OSMR: variants seen among roughly 807,000 people sequenced by gnomAD.
OSMR encodes oncostatin M receptor.
In OSMR, 81 loss-of-function variants were observed where a neutral mutation model predicts 99.9. The ratio of observed to expected loss-of-function variants is 0.81; its 90% CI spans 0.68 to 0.97. The LOEUF (loss-of-function observed/expected upper bound fraction) is 0.97. OSMR is among the 50% of genes least tolerant of loss of function. OSMR has a pLI of 0.00. For synonymous variants in OSMR, 406 were observed against 410.4 expected (o/e 0.99, Z 0.13); for missense variants, 1,099 against 1,153.4 (o/e 0.95, Z 0.68).
rs755173844 is a variant in OSMR at position 38,942,786 on chromosome 5, A to G, written c.75-1415A>G. On this transcript the variant is annotated intron_variant and NMD_transcript_variant, in intron 1 of 2. Coordinates refer to the OSMR transcript ENST00000508882. Reference sequence around the variant, plus strand: ...CTGTATTTTAATTCAATTCAAACACAGAATTATTCTTGGAAGATAAATTTG... The same window carrying G: ...CTGTATTTTAATTCAATTCAAACACGGAATTATTCTTGGAAGATAAATTTG... 5 of 1,437,892 alleles carry G rather than the reference A, an allele frequency of 3.5e-6. No individual in the cohort carries two copies. In the South Asian group the frequency reaches 4.6e-5, roughly 13 times the overall value. 89.1% of individuals were successfully genotyped at this position (1,437,892 alleles called of 1,614,324 possible).
rs770681791 is a variant in OSMR, at chr5:38,884,741, TA to T, written c.704-607del. Among the ~76,000 whole-genome samples the T allele has an allele frequency of 5.3e-5, 8 of 152,278 alleles. No individual in the cohort carries two copies. In the East Asian group the frequency reaches 9.7e-4, roughly 18 times the overall value. ...CATTAGTGGAGTGGGAACATTTTTTTATATAGGTTTGTGTGTGCACAACTAG... is the reference window on the plus strand; with the variant it reads ...CATTAGTGGAGTGGGAACATTTTTTTTATAGGTTTGTGTGTGCACAACTAG... On this transcript the variant is annotated intron_variant, in intron 5 of 17. Coordinates refer to ENST00000274276, the MANE Select transcript of OSMR (RefSeq NM_003999.3).
Position 38,919,053 on chromosome 5 carries a change from C to T in OSMR, c.1576C>T (p.Pro526Ser), listed in dbSNP as rs1033034835. The change falls in exon 11 of 18, where the codon CCC (proline) becomes TCC (serine). Residue 526 changes from proline to serine, a missense_variant. By Grantham distance (74) the Pro-to-Ser change is moderately conservative. Coordinates refer to ENST00000274276, the MANE Select transcript of OSMR (RefSeq NM_003999.3). ...PASVIVISAD[P>S]ENKEVEEERI... ...TTCTGTAATAGTCATCTCTGCAGACCCCGAAAACAGTGAGTTTGTTTTCAT... is the reference window on the plus strand; with the variant it reads ...TTCTGTAATAGTCATCTCTGCAGACTCCGAAAACAGTGAGTTTGTTTTCAT... 1 of 1,613,690 alleles carries T rather than the reference C, an allele frequency of 6.2e-7. No homozygotes were observed. Among genetic ancestry groups the T allele is most frequent in the African/African-American group, 1.3e-5 (1 of 74,872 alleles).
chr5:38,902,586 A>G (rs370254390), intron 7 of OSMR, among the ~76,000 whole-genome samples: 24 of 152,248 alleles, frequency 1.6e-4, no homozygotes, highest in African/African-American at 4.1e-4. Flanking sequence ...CAAGAGTATT[A>G]GGCCAGTGCC....
intron 3 of OSMR, among the ~76,000 whole-genome samples, chr5:38,877,031 C>A (rs1742894634): frequency 6.6e-6 from 1 of 152,130 alleles, no homozygotes; most frequent in African/African-American, 2.4e-5. Flanking sequence ...TGAGGTGTCC[C>A]CATCTAGTGC....
chr5:38,890,398 T>C (rs963064114), intron 7 of OSMR, among the ~76,000 whole-genome samples: 2 of 151,440 alleles, frequency 1.3e-5, no homozygotes, highest in African/African-American at 4.8e-5. Context: ...AGATTTTGAC[T>C]TGTTAATCTG....
intron 7 of OSMR, 55 bp downstream of exon 7, chr5:38,886,245 A>G (rs770158819): frequency 2.5e-6 from 4 of 1,613,394 alleles, no homozygotes; most frequent in Middle Eastern, 1.7e-4. Flanking sequence ...TTTGTTTCAC[A>G]GACTGTGTGA....
intron 2 of OSMR, among the ~76,000 whole-genome samples, chr5:38,873,714 G>T (rs1742566699): frequency 6.6e-6 from 1 of 152,124 alleles, no homozygotes. Context: ...TTGTGATTTT[G>T]ACTTGAATTT....
intron 1 of OSMR, among the ~76,000 whole-genome samples, chr5:38,865,957 G>GTGATGA (rs1454369809): frequency 1.3e-5 from 2 of 152,208 alleles, no homozygotes; most frequent in Non-Finnish European, 2.9e-5. Flanking sequence ...TCTGGTGGCA[G>GTGATGA]TGATGATGGC....
intron 7 of OSMR, among the ~76,000 whole-genome samples, chr5:38,894,994 A>C (rs1186958904): frequency 3.9e-5 from 6 of 151,996 alleles, no homozygotes; most frequent in Non-Finnish European, 5.9e-5. Context: ...AAAAAAATAA[A>C]AACTTTTAGG....
At position 38,881,733 on chromosome 5, in the gene OSMR, G is replaced by T; in HGVS notation, c.387G>T (p.Trp129Cys). Residue 129 changes from tryptophan to cysteine, a missense_variant, in exon 4 of 18, where the codon TGG becomes TGT. Coordinates refer to ENST00000274276, the MANE Select transcript of OSMR (RefSeq NM_003999.3). ...CCAAGTTCCCTGAGCCAAATTTCTGGAGCAACTGGAGTTCCTGGGAGGAAG... is the reference window on the plus strand; with the variant it reads ...CCAAGTTCCCTGAGCCAAATTTCTGTAGCAACTGGAGTTCCTGGGAGGAAG... ...DDAKFPEPNF[W>C]SNWSSWEEVS... 1 of 1,614,180 alleles carries T rather than the reference G, an allele frequency of 6.2e-7. No individual in the cohort carries two copies. The highest frequency in any genetic ancestry group is 2.2e-5 in the East Asian group (1 of 44,886).
intron 2 of OSMR, among the ~76,000 whole-genome samples, chr5:38,875,803 A>G (rs1433989157): frequency 2.0e-5 from 3 of 152,220 alleles, no homozygotes; most frequent in African/African-American, 7.2e-5. Context: ...CAAACTATAA[A>G]ATATTGACTT....
rs1313811226 is a variant in OSMR, at chr5:38,932,477, G to A, written c.2309G>A (p.Cys770Tyr). 5.0e-6 allele frequency: 8 copies of A among 1,613,500 alleles called. No homozygotes were observed. The highest frequency in any genetic ancestry group is 6.8e-6 in the Non-Finnish European group (8 of 1,179,522). Reference protein sequence around the residue: ...YLKSQWIKETCYPDIPDPYKS... With the variant: ...YLKSQWIKETYYPDIPDPYKS... Reference sequence around the variant, plus strand: ...TTTTTTTCTAGGATCAAGGAGACCTGTTATCCTGACATCCCTGACCCTTAC... The same window carrying A: ...TTTTTTTCTAGGATCAAGGAGACCTATTATCCTGACATCCCTGACCCTTAC... Residue 770 changes from cysteine to tyrosine, a missense_variant, in exon 17 of 18, where the codon TGT becomes TAT. Coordinates refer to ENST00000274276, the MANE Select transcript of OSMR (RefSeq NM_003999.3).
Position 38,915,779 on chromosome 5 carries a change from A to G in OSMR, c.1286-1767A>G, listed in dbSNP as rs147213533. Among the ~76,000 whole-genome samples, 719 of 152,358 alleles carry G rather than the reference A, an allele frequency of 4.7e-3. 9 individuals are homozygous for G. The highest frequency in any genetic ancestry group is 0.016 in the African/African-American group (686 of 41,594). ...GAGACATGCTATAGTTGTATTTTCAAATTCAGAAAGCTGAAGCAGCACGTT... is the reference window on the plus strand; with the variant it reads ...GAGACATGCTATAGTTGTATTTTCAGATTCAGAAAGCTGAAGCAGCACGTT... On this transcript the variant is annotated intron_variant, in intron 9 of 17. Coordinates refer to ENST00000274276, the MANE Select transcript of OSMR (RefSeq NM_003999.3).
intron 7 of OSMR, among the ~76,000 whole-genome samples, chr5:38,896,692 C>T (rs1280302230): frequency 6.6e-6 from 1 of 152,036 alleles, no homozygotes; most frequent in African/African-American, 2.4e-5. Context: ...TGTCGAATAA[C>T]AGTGGTGAAA....
chr5:38,933,227 T>G lies in OSMR; in HGVS notation c.2723T>G (p.Ile908Ser), dbSNP rs759840589. Residue 908 changes from isoleucine (I) to serine (S), a missense_variant, in exon 18 of 18, where the codon ATC (isoleucine) becomes AGC (serine). Ile to Ser is a moderately radical substitution (Grantham distance 142). Coordinates refer to ENST00000274276, the MANE Select transcript of OSMR (RefSeq NM_003999.3). The part of the protein sequence containing the change: ...EKNYMNSLGE[I>S]PAGETSLNYV... ...AACTACATGAACTCCCTGGGAGAAA[T>G]CCCAGCTGGAGAAACAAGTTTGAAT... 1.2e-6 allele frequency: 2 copies of G among 1,613,932 alleles called. No individual in the cohort carries two copies. The highest frequency in any genetic ancestry group is 1.3e-5 in the African/African-American group (1 of 74,892).
At chr5:38,891,445 C>G (rs1410248623) in intron 7 of OSMR, among the ~76,000 whole-genome samples, 7 of 152,138 alleles carry the variant, frequency 4.6e-5, no homozygotes, top group Non-Finnish European at 1.0e-4. Flanking sequence ...TGTCTGAGAC[C>G]TCACATCAGG....
intron 7 of OSMR, among the ~76,000 whole-genome samples, chr5:38,898,114 C>T (rs1200311932): frequency 6.6e-6 from 1 of 152,012 alleles, no homozygotes; most frequent in Non-Finnish European, 1.5e-5. Flanking sequence ...TCTATTAGGG[C>T]CATTTGTTCT....
chr5:38,904,207 AT>A (rs111373045), intron 8 of OSMR, 145 bp from the exon 9 acceptor site: 51,131 of 1,525,272 alleles, frequency 0.034, 1,117 homozygotes, highest in South Asian at 0.082. Context: ...GGCCTTGAAG[AT>A]TTTTTTCCCC....
chr5:38,916,617 A>G (rs1220311595), intron 9 of OSMR, among the ~76,000 whole-genome samples: 1 of 152,216 alleles, frequency 6.6e-6, no homozygotes, highest in Non-Finnish European at 1.5e-5. Flanking sequence ...GGTTTAATAC[A>G]TAGGTACCCA....
Sources: gnomAD v4.1 joint callset for allele counts (sites outside exome capture counted in the v4.1 genomes callset) on GRCh38, gnomAD v4.1.1 for gene constraint, MANE v1.5 for transcripts, NCBI Gene and HGNC (gene_info 2026-07-23, HGNC 2026-07-21) for gene names.